TANC2: variants seen among roughly 807,000 people sequenced by gnomAD.
TANC2 encodes tetratricopeptide repeat, ankyrin repeat and coiled-coil containing 2.
In TANC2, 26 loss-of-function variants were observed where a neutral mutation model predicts 210.5. The ratio of observed to expected loss-of-function variants is 0.12; its 90% CI spans 0.09 to 0.17. The LOEUF is 0.17. Among genes scored for constraint, TANC2 ranks in the 10% least tolerant of loss-of-function variants. TANC2 has a pLI of 1.00. For synonymous variants in TANC2, 931 were observed against 967.1 expected (o/e 0.96, Z 0.69); for missense variants, 2,129 against 2,608.9 (o/e 0.82, Z 4.01).
intron 9 of TANC2, among the ~76,000 whole-genome samples, chr17:63,269,783 G>T (rs1306958881): frequency 1.3e-5 from 2 of 152,078 alleles, no homozygotes; most frequent in East Asian, 1.9e-4. Context: ...ATGCAACAAA[G>T]ATCTTTTCCA....
intron 8 of TANC2, among the ~76,000 whole-genome samples, chr17:63,257,665 T>C (rs2043235685): frequency 6.6e-6 from 1 of 152,168 alleles, no homozygotes; most frequent in South Asian, 2.1e-4. Context: ...CAGCCACAGG[T>C]AACATCTTAT....
At chr17:63,218,409 G>C (rs1411349368) in intron 7 of TANC2, among the ~76,000 whole-genome samples, 2 of 152,214 alleles carry the variant, frequency 1.3e-5, no homozygotes, top group South Asian at 4.1e-4. Context: ...TGAAAATCAT[G>C]AACAAGACAG....
At chr17:63,322,751 A>AAGTGGAG in intron 11 of TANC2, among the ~76,000 whole-genome samples, 1 of 152,234 alleles carries the variant, frequency 6.6e-6, no homozygotes, top group African/African-American at 2.4e-5. Context: ...CTAAGATCAC[A>AAGTGGAG]GAGAATTAAT....
chr17:63,083,471 C>T (rs2036851948), intron 3 of TANC2, among the ~76,000 whole-genome samples: 1 of 152,138 alleles, frequency 6.6e-6, no homozygotes, highest in African/African-American at 2.4e-5. Flanking sequence ...CCTCCAGTCT[C>T]TTGGAGCCAT....
intron 5 of TANC2, among the ~76,000 whole-genome samples, chr17:63,180,905 TC>T (rs2040758286): frequency 6.6e-6 from 1 of 150,936 alleles, no homozygotes; most frequent in Non-Finnish European, 1.5e-5. Context: ...GTGCATGTAG[TC>T]CCAGCTACTA....
intron 4 of TANC2, among the ~76,000 whole-genome samples, chr17:63,106,928 T>A (rs1426790037): frequency 1.3e-5 from 2 of 151,632 alleles, no homozygotes; most frequent in Admixed American, 6.6e-5. Flanking sequence ...AGTATTACTG[T>A]ATGTATTCTT....
chr17:63,168,882 T>C (rs1053915146), intron 5 of TANC2, among the ~76,000 whole-genome samples: 3 of 152,214 alleles, frequency 2.0e-5, no homozygotes, highest in African/African-American at 7.2e-5. Context: ...TATCAGAGGG[T>C]CTCAGATCAA....
chr17:63,377,126 C>A (rs1398270698), intron 14 of TANC2, among the ~76,000 whole-genome samples: 1 of 152,168 alleles, frequency 6.6e-6, no homozygotes, highest in Non-Finnish European at 1.5e-5. Context: ...GGCCCTGGGC[C>A]CAGCCCACTA....
intron 1 of TANC2, among the ~76,000 whole-genome samples, chr17:62,977,265 G>A (rs1327427268): frequency 6.6e-6 from 1 of 152,036 alleles, no homozygotes; most frequent in Non-Finnish European, 1.5e-5. Context: ...TGTATCTTTA[G>A]TATAATTATT....
intron 9 of TANC2, among the ~76,000 whole-genome samples, chr17:63,301,141 G>T (rs2044699320): frequency 6.6e-6 from 1 of 152,176 alleles, no homozygotes; most frequent in South Asian, 2.1e-4. Context: ...CTTGATTGTG[G>T]TGGGTAAGCT....
chr17:63,127,986 G>C (rs1178748319), intron 4 of TANC2, among the ~76,000 whole-genome samples: 1 of 152,134 alleles, frequency 6.6e-6, no homozygotes, highest in African/African-American at 2.4e-5. Context: ...TGTTATTCCT[G>C]TGGTGGCCTG....
chr17:63,421,550 G>C lies in TANC2; in HGVS notation c.5820G>C (p.Gln1940His). The C allele has an allele frequency of 1.2e-6, 2 of 1,614,012 alleles. No homozygotes were observed. Among genetic ancestry groups the C allele is most frequent in the East Asian group, 4.5e-5 (2 of 44,886 alleles). The change falls in exon 28 of 28, where the codon CAG becomes CAC. Residue 1940 changes from glutamine (Q) to histidine (H), a missense_variant. This residue lies in a region of TANC2 where 161 missense variants were observed against 178.6 expected (regional missense o/e 0.90). Coordinates refer to ENST00000689528, the Ensembl canonical transcript of TANC2. This position sits in a 1 kb window ranked among gnomAD's most constrained non-coding sequence, Gnocchi z 6.9. The stretch of plus-strand genomic sequence containing the variant: ...TCATAGATAAAACAGCACGGACTCA[G>C]CAGTACCCCCACCTCCACCAGCAGA...
At chr17:62,989,323 G>A (rs1343421333) in intron 1 of TANC2, among the ~76,000 whole-genome samples, 2 of 152,176 alleles carry the variant, frequency 1.3e-5, no homozygotes, top group Non-Finnish European at 2.9e-5. Context: ...GATTTGAGGC[G>A]GCATTGCCAT....
intron 8 of TANC2, among the ~76,000 whole-genome samples, chr17:63,266,540 T>C (rs915825931): frequency 1.3e-5 from 2 of 152,158 alleles, no homozygotes; most frequent in Non-Finnish European, 2.9e-5. Flanking sequence ...CTCCCCTTCC[T>C]TTTTTGCTTC....
intron 1 of TANC2, among the ~76,000 whole-genome samples, chr17:62,976,671 A>G (rs13342635): frequency 0.069 from 10,563 of 152,204 alleles, 501 homozygotes; most frequent in African/African-American, 0.14. Context: ...AGCAAAATTT[A>G]TTCAAAGATC....
intron 26 of TANC2, among the ~76,000 whole-genome samples, chr17:63,417,223 T>C (rs2048891338): frequency 6.6e-6 from 1 of 152,196 alleles, no homozygotes; most frequent in African/African-American, 2.4e-5. Context: ...CCATCAACTT[T>C]TAAAAAATTT....
At chr17:63,168,671 A>G (rs2040297600) in intron 5 of TANC2, among the ~76,000 whole-genome samples, 1 of 152,186 alleles carries the variant, frequency 6.6e-6, no homozygotes, top group Admixed American at 6.5e-5. Flanking sequence ...CATTACCCCT[A>G]GCTATGTGAG....
intron 8 of TANC2, among the ~76,000 whole-genome samples, chr17:63,264,240 A>G (rs2043455097): frequency 1.3e-5 from 2 of 152,206 alleles, no homozygotes; most frequent in Non-Finnish European, 2.9e-5. Context: ...GATCAAACCC[A>G]AAGTCAAGGG....
intron 11 of TANC2, among the ~76,000 whole-genome samples, chr17:63,327,314 A>C (rs2045681531): frequency 6.6e-6 from 1 of 152,228 alleles, no homozygotes; most frequent in Non-Finnish European, 1.5e-5. Context: ...AACAGCATGG[A>C]GGTTCCTCAA....
Sources: allele counts gnomAD v4.1 joint callset (sites outside exome capture counted in the v4.1 genomes callset), GRCh38; gene constraint gnomAD v4.1.1; regional missense constraint gnomAD v4.1.1; non-coding constraint Gnocchi (gnomAD v3.1); transcripts MANE v1.5; gene names NCBI Gene and HGNC (gene_info 2026-07-23, HGNC 2026-07-21).